The following TMCC1 variants were observed in gnomAD, a reference collection of about 807,000 sequenced individuals.
The protein encoded by TMCC1 is transmembrane and coiled-coil domains protein 1.
Under a neutral mutation model 52.4 loss-of-function variants are expected in TMCC1, and 15 were observed. The ratio of observed to expected loss-of-function variants is 0.29; its 90% CI spans 0.19 to 0.44. The LOEUF is 0.44. Among genes scored for constraint, TMCC1 ranks in the 20% least tolerant of loss-of-function variants. The pLI, the probability that TMCC1 is intolerant of heterozygous loss-of-function variation, is 1.00. For missense variants in TMCC1, 503 were observed against 806.0 expected (o/e 0.62, Z 4.55); for synonymous variants, 279 against 301.9 (o/e 0.92, Z 0.79).
intron 4 of TMCC1, among the ~76,000 whole-genome samples, chr3:129,682,872 G>A (rs1490548820): frequency 1.3e-5 from 2 of 152,064 alleles, no homozygotes; most frequent in African/African-American, 2.4e-5. Context: ...TTTCGCTCTT[G>A]TTGCCTAGAC....
At chr3:129,794,655 A>G (rs1441591836) in intron 4 of TMCC1, among the ~76,000 whole-genome samples, 3 of 152,094 alleles carry the variant, frequency 2.0e-5, no homozygotes. Context: ...CACAAGGACC[A>G]CCCCTTCCCT....
At chr3:129,679,452 C>G (rs979015637) in intron 4 of TMCC1, among the ~76,000 whole-genome samples, 18 of 152,040 alleles carry the variant, frequency 1.2e-4, no homozygotes, top group African/African-American at 4.4e-4. Context: ...ACTACAGGTG[C>G]GCACCACCAC....
chr3:129,886,878 AGTGAG>A, intron 1 of TMCC1, among the ~76,000 whole-genome samples: 1 of 151,716 alleles, frequency 6.6e-6, no homozygotes, highest in African/African-American at 2.4e-5. Flanking sequence ...CGGAGGTTGC[AGTGAG>A]CCGAGATCAC....
chr3:129,879,115 T>C (rs1191236784), intron 2 of TMCC1, among the ~76,000 whole-genome samples: 1 of 152,198 alleles, frequency 6.6e-6, no homozygotes, highest in East Asian at 1.9e-4. Context: ...GAATTTGTCA[T>C]CATAAATTTA....
intron 2 of TMCC1, among the ~76,000 whole-genome samples, chr3:129,837,443 A>G (rs558575252): frequency 5.3e-5 from 8 of 152,304 alleles, no homozygotes; most frequent in African/African-American, 1.9e-4. Flanking sequence ...TGGCAACAAT[A>G]AATGTCAACT....
intron 4 of TMCC1, among the ~76,000 whole-genome samples, chr3:129,698,156 C>G (rs1003546238): frequency 6.6e-6 from 1 of 152,098 alleles, no homozygotes; most frequent in African/African-American, 2.4e-5. Flanking sequence ...AAGACTGGGT[C>G]ATTTATAAAG....
chr3:129,752,569 G>A (rs1434281246), intron 4 of TMCC1, among the ~76,000 whole-genome samples: 2 of 152,086 alleles, frequency 1.3e-5, no homozygotes, highest in East Asian at 3.9e-4. Context: ...GGGAGGCTGA[G>A]GCAGAAGAAT....
At chr3:129,765,556 CT>C (rs1464707680) in intron 4 of TMCC1, among the ~76,000 whole-genome samples, 1 of 152,048 alleles carries the variant, frequency 6.6e-6, no homozygotes, top group Non-Finnish European at 1.5e-5. Context: ...TATAAAAGGA[CT>C]GGCAAATTTG....
chr3:129,762,976 A>T (rs1242065009), intron 4 of TMCC1, among the ~76,000 whole-genome samples: 6 of 151,764 alleles, frequency 4.0e-5, no homozygotes, highest in Non-Finnish European at 8.8e-5. Flanking sequence ...AGGTGGGTGG[A>T]TCATGAGGTC....
At chr3:129,827,678 A>C in intron 4 of TMCC1, 125 bp downstream of exon 4, 1 of 1,197,450 alleles carries the variant, frequency 8.4e-7, no homozygotes, top group Middle Eastern at 2.0e-4. Flanking sequence ...AAAAGGGGAA[A>C]AATTCTTTTA....
intron 2 of TMCC1, among the ~76,000 whole-genome samples, chr3:129,855,539 T>C (rs1372889512): frequency 1.3e-5 from 2 of 150,622 alleles, no homozygotes; most frequent in African/African-American, 4.9e-5. Flanking sequence ...ATGAGGGCAA[T>C]GTTTGGATGA....
chr3:129,796,392 G>A (rs555954227), intron 4 of TMCC1, among the ~76,000 whole-genome samples: 1 of 152,310 alleles, frequency 6.6e-6, no homozygotes, highest in African/African-American at 2.4e-5. Context: ...AATGACACGT[G>A]ACTGTATATA....
At chr3:129,765,639 T>C (rs890589231) in intron 4 of TMCC1, among the ~76,000 whole-genome samples, 3 of 152,156 alleles carry the variant, frequency 2.0e-5, no homozygotes, top group African/African-American at 7.2e-5. Flanking sequence ...ATAAGAGAAG[T>C]ATCTCCTAGC....
At chr3:129,851,980 T>C (rs940091181) in intron 2 of TMCC1, among the ~76,000 whole-genome samples, 1 of 151,908 alleles carries the variant, frequency 6.6e-6, no homozygotes, top group Non-Finnish European at 1.5e-5. Flanking sequence ...TGAGACCTTG[T>C]CTCCACTAAA....
chr3:129,697,944 C>T (rs1283026401), intron 4 of TMCC1, among the ~76,000 whole-genome samples: 1 of 152,156 alleles, frequency 6.6e-6, no homozygotes, highest in Non-Finnish European at 1.5e-5. Context: ...CTTCCTGTCT[C>T]CTGAGCCCTC....
At chr3:129,710,483 A>G (rs573867314) in intron 4 of TMCC1, among the ~76,000 whole-genome samples, 1 of 152,204 alleles carries the variant, frequency 6.6e-6, no homozygotes, top group African/African-American at 2.4e-5. Flanking sequence ...TTTAAATACG[A>G]GGAAAGTGAG....
intron 3 of TMCC1, among the ~76,000 whole-genome samples, chr3:129,832,150 C>A (rs966682024): frequency 1.3e-5 from 2 of 152,180 alleles, no homozygotes; most frequent in African/African-American, 4.8e-5. Flanking sequence ...AGTCACCGCG[C>A]CCCACCCAAC....
At chr3:129,664,377 G>A (rs2087283399) in intron 5 of TMCC1, among the ~76,000 whole-genome samples, 1 of 152,160 alleles carries the variant, frequency 6.6e-6, no homozygotes, top group Non-Finnish European at 1.5e-5. Flanking sequence ...ACAACCATTT[G>A]TTTAGTTAGA....
At chr3:129,688,675 C>T (rs1479365752) in intron 4 of TMCC1, 1 of 985,320 alleles carries the variant, frequency 1.0e-6, no homozygotes, top group Non-Finnish European at 1.2e-6. Flanking sequence ...AAGCTTCTGC[C>T]AAACAAGCAT....
Sources: allele counts gnomAD v4.1 joint callset (sites outside exome capture counted in the v4.1 genomes callset), GRCh38; gene constraint gnomAD v4.1.1; transcripts MANE v1.5; gene names NCBI Gene and HGNC (gene_info 2026-07-23, HGNC 2026-07-21).